FLI1: variants seen among roughly 807,000 people sequenced by gnomAD.
FLI1 encodes the protein Friend leukemia integration 1 transcription factor.
In FLI1, 13 loss-of-function variants were observed where a neutral mutation model predicts 53.1. That is an observed-to-expected ratio of 0.24 (90% CI 0.16 to 0.39). The LOEUF (loss-of-function observed/expected upper bound fraction) is 0.39. FLI1 is among the 10% of genes least tolerant of loss of function. The pLI is 1.00. For synonymous variants in FLI1, 244 were observed against 236.7 expected (o/e 1.03, Z -0.28); for missense variants, 424 against 600.5 (o/e 0.71, Z 3.07).
intron 8 of FLI1, 101 bp downstream of exon 8, chr11:128,809,305 G>C (rs73021474): frequency 0.032 from 30,733 of 962,160 alleles, 638 homozygotes; most frequent in Middle Eastern, 0.072. Context: ...TGAGTGGGGA[G>C]TAACATGCAC....
At chr11:128,736,544 G>T (rs1166751796) in intron 1 of FLI1, among the ~76,000 whole-genome samples, 1 of 152,188 alleles carries the variant, frequency 6.6e-6, no homozygotes, top group East Asian at 1.9e-4. Flanking sequence ...GCTCATTTTA[G>T]ACACACCCAG....
At chr11:128,747,882 G>A (rs755276051) in intron 1 of FLI1, among the ~76,000 whole-genome samples, 2 of 152,214 alleles carry the variant, frequency 1.3e-5, no homozygotes, top group Non-Finnish European at 2.9e-5. Flanking sequence ...CTCCCATCCT[G>A]TGAGTTTCCA....
At chr11:128,727,782 T>A (rs1258598768) in intron 1 of FLI1, among the ~76,000 whole-genome samples, 2 of 152,196 alleles carry the variant, frequency 1.3e-5, no homozygotes, top group African/African-American at 4.8e-5. Context: ...AGGAACCTCA[T>A]GAGCCAGTTC....
chr11:128,741,378 G>C (rs1333420137), intron 1 of FLI1, among the ~76,000 whole-genome samples: 1 of 152,180 alleles, frequency 6.6e-6, no homozygotes, highest in East Asian at 1.9e-4. Flanking sequence ...GGGCAGCAGA[G>C]TGAGACTCCG....
At chr11:128,725,843 G>A (rs1565468267) in intron 1 of FLI1, among the ~76,000 whole-genome samples, 1 of 152,194 alleles carries the variant, frequency 6.6e-6, no homozygotes, top group African/African-American at 2.4e-5. Flanking sequence ...GCCTGTCAAC[G>A]TTCAGGGCAG....
intron 1 of FLI1, among the ~76,000 whole-genome samples, chr11:128,729,059 A>G (rs942785319): frequency 2.0e-5 from 3 of 152,154 alleles, no homozygotes; most frequent in Non-Finnish European, 4.4e-5. Context: ...CGTGAATCCT[A>G]AAGACAGGAC....
In FLI1 at chr11:128,758,247, C is replaced by T. The variant is rs1437379488; in HGVS notation, c.151C>T (p.Leu51Phe). The T allele has an allele frequency of 6.2e-7, 1 of 1,613,660 alleles. No individual in the cohort carries two copies. The highest frequency in any genetic ancestry group is 8.5e-7 in the Non-Finnish European group (1 of 1,179,748). ...CGGGCAGCCCCACAAGATCAACCCC[C>T]TCCCACCACAGCAGGAGTGGATCAA... ...DYGQPHKINP[L>F]PPQQEWINQP... Residue 51 changes from leucine to phenylalanine, a missense_variant, in exon 2 of 9, where the codon CTC becomes TTC. Physicochemically the swap from Leu to Phe is conservative, Grantham distance 22. Transcript: ENST00000527786.
At chr11:128,707,050 T>A (rs1020349407) in intron 1 of FLI1, among the ~76,000 whole-genome samples, 1 of 152,108 alleles carries the variant, frequency 6.6e-6, no homozygotes, top group East Asian at 1.9e-4. Flanking sequence ...GAGGAGACTG[T>A]GAGGGGGTTA....
chr11:128,736,001 T>G (rs964456697), intron 1 of FLI1, among the ~76,000 whole-genome samples: 1 of 152,190 alleles, frequency 6.6e-6, no homozygotes, highest in African/African-American at 2.4e-5. Flanking sequence ...CCTTGTGGTA[T>G]GCAGAGGCCA....
intron 4 of FLI1, among the ~76,000 whole-genome samples, chr11:128,781,072 G>A (rs893520979): frequency 1.3e-5 from 2 of 152,164 alleles, no homozygotes; most frequent in African/African-American, 4.8e-5. Context: ...TCAAAGTGCT[G>A]GGTACAGAAG....
chr11:128,803,262 C>G (rs977065881), intron 5 of FLI1, among the ~76,000 whole-genome samples: 2 of 152,194 alleles, frequency 1.3e-5, no homozygotes, highest in Non-Finnish European at 2.9e-5. Flanking sequence ...TTCACCACAC[C>G]CTGTTTTCTA....
chr11:128,790,062 A>G (rs1942222604), intron 5 of FLI1, among the ~76,000 whole-genome samples: 1 of 116,866 alleles, frequency 8.6e-6, no homozygotes, highest in Admixed American at 8.3e-5. Flanking sequence ...GTGTGTGTGC[A>G]TGCATGCGTG....
At chr11:128,724,636 T>C (rs377550172) in intron 1 of FLI1, among the ~76,000 whole-genome samples, 23 of 152,280 alleles carry the variant, frequency 1.5e-4, no homozygotes, top group African/African-American at 5.3e-4. Context: ...CTGAGCCTCA[T>C]GGGACCCTAA....
chr11:128,754,272 T>C (rs1029890061), intron 1 of FLI1, among the ~76,000 whole-genome samples: 4 of 137,568 alleles, frequency 2.9e-5, no homozygotes, highest in African/African-American at 1.1e-4. Flanking sequence ...TGTGTGTGTG[T>C]GTGTGCACAT....
chr11:128,741,152 G>A (rs538453397), intron 1 of FLI1, among the ~76,000 whole-genome samples: 1 of 152,330 alleles, frequency 6.6e-6, no homozygotes, highest in South Asian at 2.1e-4. Context: ...CCAGCACTTT[G>A]GGAGGCTGAG....
intron 2 of FLI1, among the ~76,000 whole-genome samples, chr11:128,759,410 C>T (rs1941024127): frequency 1.3e-5 from 2 of 152,216 alleles, no homozygotes; most frequent in African/African-American, 4.8e-5. Context: ...GCTGACAGTC[C>T]TTGCGCACAG....
At chr11:128,710,207 A>G (rs755191659) in intron 1 of FLI1, among the ~76,000 whole-genome samples, 5 of 152,174 alleles carry the variant, frequency 3.3e-5, no homozygotes, top group Non-Finnish European at 5.9e-5. Context: ...GAAGGAGAAC[A>G]TTTGCCCATA....
intron 1 of FLI1, among the ~76,000 whole-genome samples, chr11:128,714,053 T>A (rs200633322): frequency 1.3e-5 from 2 of 152,190 alleles, no homozygotes; most frequent in East Asian, 3.8e-4. Context: ...ACTGAGTGCA[T>A]AGAGTACATA....
intron 4 of FLI1, among the ~76,000 whole-genome samples, chr11:128,779,555 G>T (rs923308941): frequency 6.6e-6 from 1 of 152,188 alleles, no homozygotes; most frequent in African/African-American, 2.4e-5. Flanking sequence ...AAATAGTAAC[G>T]ATCATAGCTA....
Sources: allele counts gnomAD v4.1 joint callset (sites outside exome capture counted in the v4.1 genomes callset), GRCh38; gene constraint gnomAD v4.1.1; transcripts MANE v1.5; gene names NCBI Gene and HGNC (gene_info 2026-07-23, HGNC 2026-07-21).